The following MAD1L1 variants were observed in gnomAD, a reference collection of about 807,000 sequenced individuals.
MAD1L1 encodes the protein mitotic spindle assembly checkpoint protein MAD1.
MAD1L1 carries 95 observed loss-of-function variants against 96.9 expected under a neutral mutation model. That is an observed-to-expected ratio of 0.98 (90% CI 0.83 to 1.16). The LOEUF (loss-of-function observed/expected upper bound fraction) is 1.16. MAD1L1 is among the 50% of genes most tolerant of loss of function. The probability of loss-of-function intolerance (pLI) is 0.00; values close to 1 mark genes in which losing one functional copy is unlikely to be tolerated. For synonymous variants in MAD1L1, 473 were observed against 396.6 expected, an observed-to-expected ratio of 1.19 and a Z score of -2.29; for missense variants, 1,007 against 954.4, an observed-to-expected ratio of 1.06 and a Z score of -0.73.
chr7:2,013,517 G>A (rs1269208681), intron 13 of MAD1L1, among the ~76,000 whole-genome samples: 1 of 152,216 alleles, frequency 6.6e-6, no homozygotes, highest in Admixed American at 6.5e-5. Flanking sequence ...GGGTTTCCTC[G>A]TGAGCGAAAT....
chr7:2,042,100 C>T (rs575403350), intron 12 of MAD1L1, among the ~76,000 whole-genome samples: 1 of 147,040 alleles, frequency 6.8e-6, no homozygotes, highest in East Asian at 2.0e-4. Context: ...TCCACACACG[C>T]ACATGTGCAC....
At chr7:1,844,095 C>T (rs1483366620) in intron 18 of MAD1L1, 1 of 154,490 alleles carries the variant, frequency 6.5e-6, no homozygotes, top group Non-Finnish European at 1.5e-5. Context: ...AAAATCCCCA[C>T]AACTCCAGGT....
chr7:1,898,994 C>T (rs570102219), intron 17 of MAD1L1, among the ~76,000 whole-genome samples: 48 of 152,318 alleles, frequency 3.2e-4, no homozygotes, highest in Non-Finnish European at 5.6e-4. Flanking sequence ...AGGAGGCCAC[C>T]GGGACGTTCC....
At chr7:1,967,484 A>G (rs954580353) in intron 15 of MAD1L1, among the ~76,000 whole-genome samples, 4 of 152,238 alleles carry the variant, frequency 2.6e-5, no homozygotes, top group Non-Finnish European at 4.4e-5. Flanking sequence ...CGCTGCAAGT[A>G]AAAGGACAGA....
At chr7:2,011,561 G>A (rs909648837) in intron 13 of MAD1L1, among the ~76,000 whole-genome samples, 1 of 152,206 alleles carries the variant, frequency 6.6e-6, no homozygotes, top group Non-Finnish European at 1.5e-5. Flanking sequence ...GCAGGGCACA[G>A]GCTCCGCAGG....
chr7:2,038,945 A>G (rs763279750), intron 12 of MAD1L1, among the ~76,000 whole-genome samples: 12 of 152,218 alleles, frequency 7.9e-5, no homozygotes, highest in Middle Eastern at 6.8e-3. Flanking sequence ...CAGTATCACA[A>G]CCCGTATGCC....
At chr7:1,922,721 T>C (rs1401158024) in intron 17 of MAD1L1, among the ~76,000 whole-genome samples, 2 of 152,188 alleles carry the variant, frequency 1.3e-5, no homozygotes, top group African/African-American at 4.8e-5. Flanking sequence ...CGTTTCCCAG[T>C]CCCTCACCAG....
At chr7:1,890,681 G>C (rs911415617) in intron 18 of MAD1L1, among the ~76,000 whole-genome samples, 1 of 152,242 alleles carries the variant, frequency 6.6e-6, no homozygotes, top group African/African-American at 2.4e-5. Context: ...AGGTATGTCG[G>C]GGAGAGGAGG....
In MAD1L1 at chr7:2,149,172, C is replaced by A. The variant is rs1421116509; in HGVS notation, c.1053G>T (p.Lys351Asn). The A allele has an allele frequency of 1.9e-6, 3 of 1,614,012 alleles. No homozygotes were observed. The African/African-American group carries it at 4.0e-5, about 22-fold the overall frequency. The change falls in exon 11 of 19, where the codon AAG (lysine) becomes AAT (asparagine). Residue 351 changes from lysine to asparagine, a missense_variant. By Grantham distance (94) the Lys-to-Asn change is moderately conservative. Transcript: ENST00000265854. ...TCTACCTGCTGGTGACGGCGCTGTT[C>A]TTGTCCTTCAAGGCAAGCTCCCTCT... ...LQQRELALKD[K>N]NSAVTSSARG... is the part of the protein sequence containing the mutation.
At chr7:2,024,336 T>G (rs1165691156) in intron 12 of MAD1L1, among the ~76,000 whole-genome samples, 1 of 152,210 alleles carries the variant, frequency 6.6e-6, no homozygotes, top group Non-Finnish European at 1.5e-5. Context: ...GTCTTTCTAG[T>G]GGCCTGCCCA....
chr7:2,007,599 G>A (rs186691706), intron 13 of MAD1L1, among the ~76,000 whole-genome samples: 5 of 152,308 alleles, frequency 3.3e-5, no homozygotes, highest in African/African-American at 1.2e-4. Context: ...ACTTGAACCC[G>A]GCAAGCGGAG....
rs13310146 is a variant in MAD1L1, at chr7:1,996,301, G to T, written c.1416+5764C>A. On this transcript the variant is annotated intron_variant, in intron 14 of 18. Transcript: ENST00000265854. ...CGGGTCTACACACGGCTGCTGGGCG[G>T]GCAGGGTCCCCCCGGGTCTACACAC... 2.8e-4 allele frequency among the ~76,000 whole-genome samples: 35 copies of T among 126,662 alleles called. 1 individual carries two copies. Among genetic ancestry groups the T allele is most frequent in the Non-Finnish European group, 3.5e-4 (20 of 57,782 alleles). The allele number at this position is 126,662 out of a possible 152,430, so 83.1% of individuals were successfully genotyped here. A position where few individuals can be genotyped will look rare whatever the true frequency, so the allele number is the denominator to read the frequency against.
chr7:1,935,577 G>C (rs1024117270), intron 17 of MAD1L1, among the ~76,000 whole-genome samples: 1 of 152,216 alleles, frequency 6.6e-6, no homozygotes, highest in East Asian at 1.9e-4. Context: ...CCCCACAAAG[G>C]AGCGGGGCAG....
chr7:1,840,202 G>T (rs1462000872), intron 18 of MAD1L1, among the ~76,000 whole-genome samples: 2 of 152,166 alleles, frequency 1.3e-5, no homozygotes. Flanking sequence ...CTCCCTGCAC[G>T]CTGGATGCCC....
chr7:1,950,572 G>A (rs534330444), intron 16 of MAD1L1, among the ~76,000 whole-genome samples: 67 of 152,344 alleles, frequency 4.4e-4, no homozygotes, highest in Non-Finnish European at 7.8e-4. Context: ...TTGGACAACA[G>A]TGACTTGGGC....
intron 3 of MAD1L1, 73 bp from the exon 4 acceptor site, chr7:2,225,623 G>A (rs1793852518): frequency 2.0e-6 from 3 of 1,509,190 alleles, no homozygotes; most frequent in East Asian, 2.3e-5. Context: ...ACTCAGTGCA[G>A]CAGACACACT....
At chr7:2,141,913 C>T (rs1789053628) in intron 11 of MAD1L1, among the ~76,000 whole-genome samples, 1 of 152,182 alleles carries the variant, frequency 6.6e-6, no homozygotes, top group Non-Finnish European at 1.5e-5. Flanking sequence ...GACTGAGAAC[C>T]AAAAGGACAG....
intron 11 of MAD1L1, among the ~76,000 whole-genome samples, chr7:2,123,681 G>A (rs962887986): frequency 3.9e-5 from 6 of 152,204 alleles, no homozygotes; most frequent in East Asian, 1.9e-4. Flanking sequence ...GAAGCGAGTC[G>A]GAGGCAATTA....
chr7:2,043,973 C>T lies in MAD1L1; in HGVS notation c.1218+25221G>A, dbSNP rs1201761437. Among the ~76,000 whole-genome samples, 4 of 152,174 alleles carry T rather than the reference C, an allele frequency of 2.6e-5. No individual in the cohort carries two copies. The East Asian group carries it at 5.8e-4, about 22-fold the overall frequency. ...CGTGACTCAAGCACAGATGGGTGCC[C>T]GTCCCGTCAAGAGAGCACACGCAAT... On this transcript the variant is annotated intron_variant, in intron 12 of 18. Transcript: ENST00000265854.
Sources: gnomAD v4.1 joint callset for allele counts (sites outside exome capture counted in the v4.1 genomes callset) on GRCh38, gnomAD v4.1.1 for gene constraint, MANE v1.5 for transcripts, NCBI Gene and HGNC (gene_info 2026-07-23, HGNC 2026-07-21) for gene names.